EPM2A: variants seen among roughly 807,000 people sequenced by gnomAD.
EPM2A encodes laforin.
EPM2A carries 21 observed loss-of-function variants against 26.5 expected under a neutral mutation model. The ratio of observed to expected loss-of-function variants is 0.79; its 90% CI spans 0.56 to 1.14. The LOEUF is 1.14. Ranked by LOEUF, EPM2A falls within the 50% of genes most tolerant of loss-of-function variation. EPM2A has a pLI of 0.00. For synonymous variants in EPM2A, 217 were observed against 177.6 expected, an observed-to-expected ratio of 1.22 and a Z score of -1.76; for missense variants, 458 against 440.8, an observed-to-expected ratio of 1.04 and a Z score of -0.35.
chr6:145,731,771 CA>C (rs200177540), intron 1 of EPM2A, among the ~76,000 whole-genome samples: 1 of 150,356 alleles, frequency 6.7e-6, no homozygotes, highest in East Asian at 1.9e-4. Context: ...TAATGAACAA[CA>C]AAAAAAAGAG....
chr6:145,637,144 T>C (rs775674650), intron 2 of EPM2A: 1 of 152,228 alleles, frequency 6.6e-6, no homozygotes, highest in Non-Finnish European at 1.5e-5. Flanking sequence ...GCGGATTTCA[T>C]GTGTAGCTAT....
At chr6:145,502,651 C>T (rs1404641615) in intron 2 of EPM2A, 1 of 467,130 alleles carries the variant, frequency 2.1e-6, no homozygotes, top group African/African-American at 2.0e-5. Flanking sequence ...TGTTGTTATT[C>T]AGTCTTAGGA....
chr6:145,566,817 T>C (rs898390715), intron 2 of EPM2A, among the ~76,000 whole-genome samples: 2 of 152,186 alleles, frequency 1.3e-5, no homozygotes, highest in Admixed American at 6.5e-5. Context: ...TTTAGGCTGC[T>C]GCCTAAAGAC....
intron 4 of EPM2A, among the ~76,000 whole-genome samples, chr6:145,393,715 A>G (rs1182670670): frequency 6.6e-6 from 1 of 152,114 alleles, no homozygotes; most frequent in African/African-American, 2.4e-5. Flanking sequence ...GTGGGGGCTG[A>G]CCAGTGACTG....
intron 2 of EPM2A, among the ~76,000 whole-genome samples, chr6:145,596,928 C>T (rs1316825734): frequency 8.4e-6 from 1 of 118,570 alleles, no homozygotes; most frequent in East Asian, 2.3e-4. Context: ...CGCTCTGTCG[C>T]CCAGGCCGGA....
chr6:145,686,144 G>A lies in EPM2A; in HGVS notation c.454C>T (p.His152Tyr), dbSNP rs1481307931. 6.2e-7 allele frequency: 1 copy of A among 1,613,818 alleles called. No individual in the cohort carries two copies. ...TTDFYFNIAG[H>Y]QAMHYSRILP... is the part of the protein sequence containing the mutation. ...TACCTTGAATAATGCATGGCTTGGT[G>A]GCCTGCAATATTAAAATAGAAGTCT... The change falls in exon 2 of 4, where the codon CAC (histidine) becomes TAC (tyrosine). Residue 152 changes from histidine (H) to tyrosine (Y), a missense_variant. Physicochemically the swap from His to Tyr is moderately conservative, Grantham distance 83 (BLOSUM62 2). Transcript: ENST00000367519.
At chr6:145,506,693 G>C (rs1156284540) in intron 2 of EPM2A, among the ~76,000 whole-genome samples, 2 of 152,240 alleles carry the variant, frequency 1.3e-5, no homozygotes, top group African/African-American at 4.8e-5. Flanking sequence ...AGCAGAGGTT[G>C]TATCTGGGTC....
intron 2 of EPM2A, among the ~76,000 whole-genome samples, chr6:145,659,972 A>G (rs1399967334): frequency 1.3e-5 from 2 of 152,050 alleles, no homozygotes; most frequent in Non-Finnish European, 2.9e-5. Flanking sequence ...CTTTGAACCT[A>G]CCTATTCTGG....
chr6:145,563,071 A>G (rs960751272), intron 2 of EPM2A, among the ~76,000 whole-genome samples: 23 of 151,828 alleles, frequency 1.5e-4, no homozygotes, highest in African/African-American at 4.8e-4. Flanking sequence ...ACTCGAGCTG[A>G]TCTGAAACGG....
rs75484876 is a variant in EPM2A, at chr6:145,716,413, A to C, written c.301+18785T>G. Among the ~76,000 whole-genome samples the C allele has an allele frequency of 5.3e-5, 8 of 152,322 alleles. No homozygotes were observed. The East Asian group carries it at 1.4e-3, about 26-fold the overall frequency. On this transcript the variant is annotated intron_variant, in intron 1 of 3. Transcript: ENST00000367519. ...AGGTGATCCTAATGCATTCCAGGACAGGGCATCACTGGTGTGGCCTAGAAA... is the reference window on the plus strand; with the variant it reads ...AGGTGATCCTAATGCATTCCAGGACCGGGCATCACTGGTGTGGCCTAGAAA...
chr6:145,603,279 T>TAA (rs35392511), intron 2 of EPM2A, among the ~76,000 whole-genome samples: 3,134 of 145,956 alleles, frequency 0.021, 69 homozygotes, highest in African/African-American at 0.062. Context: ...ATCTCTAAAT[T>TAA]AAAAAAAAAA....
chr6:145,696,277 T>C (rs1271522442), intron 1 of EPM2A, among the ~76,000 whole-genome samples: 2 of 152,044 alleles, frequency 1.3e-5, no homozygotes, highest in African/African-American at 2.4e-5. Context: ...GCAAAGGCAA[T>C]TCTAAGAAGG....
At chr6:145,489,965 T>G in intron 4 of EPM2A, 1 of 1,382,030 alleles carries the variant, frequency 7.2e-7, no homozygotes, top group Non-Finnish European at 1.0e-6. Flanking sequence ...AGCACACTCG[T>G]GTGAACAAAG....
chr6:145,631,848 TTCTC>T (rs753299374), intron 3 of EPM2A: 61 of 142,922 alleles, frequency 4.3e-4, no homozygotes, highest in Non-Finnish European at 7.0e-4. Flanking sequence ...CTTTCAGCCT[TTCTC>T]TCTCTCTCTC....
chr6:145,485,266 AAGG>A (rs1779658098), intron 4 of EPM2A, among the ~76,000 whole-genome samples: 1 of 152,046 alleles, frequency 6.6e-6, no homozygotes, highest in Non-Finnish European at 1.5e-5. Flanking sequence ...ATGGAAAATC[AAGG>A]AGAAGTTTCA....
intron 2 of EPM2A, among the ~76,000 whole-genome samples, chr6:145,567,774 A>G (rs1437017717): frequency 1.3e-5 from 2 of 152,244 alleles, no homozygotes; most frequent in Non-Finnish European, 2.9e-5. Context: ...GCCAAAGAAA[A>G]GCTAGTGCTT....
chr6:145,648,388 A>C (rs1382581519), intron 2 of EPM2A, among the ~76,000 whole-genome samples: 1 of 152,190 alleles, frequency 6.6e-6, no homozygotes. Context: ...TGTACTGAAT[A>C]TTACAGCCAC....
chr6:145,663,417 C>T (rs974590247), intron 2 of EPM2A, among the ~76,000 whole-genome samples: 2 of 152,158 alleles, frequency 1.3e-5, no homozygotes, highest in African/African-American at 2.4e-5. Flanking sequence ...GTGCGTGAGC[C>T]GAAGCAGGGC....
chr6:145,682,968 T>C lies in EPM2A; in HGVS notation c.476+3154A>G, dbSNP rs531614540. On this transcript the variant is annotated intron_variant, in intron 2 of 3. Coordinates refer to ENST00000367519, the MANE Select transcript of EPM2A (RefSeq NM_005670.4). The stretch of plus-strand genomic sequence containing the variant: ...TATCTATTTCAGCAGCTAAGATAAA[T>C]TCACAAATAATCTTAGCATTATACA... 2.6e-5 allele frequency among the ~76,000 whole-genome samples: 4 copies of C among 152,294 alleles called. No individual in the cohort carries two copies. In the South Asian group the frequency reaches 6.2e-4, roughly 24 times the overall value.
Sources: allele counts gnomAD v4.1 joint callset (sites outside exome capture counted in the v4.1 genomes callset), GRCh38; gene constraint gnomAD v4.1.1; transcripts MANE v1.5; gene names NCBI Gene and HGNC (gene_info 2026-07-23, HGNC 2026-07-21).